Variants in PTBP2 observed in about 807,000 individuals in gnomAD.
PTBP2 encodes the protein polypyrimidine tract binding protein 2.
In PTBP2, 13 loss-of-function variants were observed where a neutral mutation model predicts 61.4. The observed-to-expected ratio is 0.21, with a 90% CI of 0.14 to 0.34. PTBP2 has a LOEUF of 0.34. Among genes scored for constraint, PTBP2 ranks in the 10% least tolerant of loss-of-function variants. The pLI is 1.00. For synonymous variants in PTBP2, 215 were observed against 218.5 expected (o/e 0.98, Z 0.14); for missense variants, 405 against 642.6 (o/e 0.63, Z 4.00).
intron 11 of PTBP2, among the ~76,000 whole-genome samples, chr1:96,808,533 G>A (rs999466121): frequency 6.6e-6 from 1 of 152,106 alleles, no homozygotes; most frequent in Admixed American, 6.6e-5. Flanking sequence ...CTGTTTTTAA[G>A]TACAGTTACA....
intron 8 of PTBP2, among the ~76,000 whole-genome samples, chr1:96,798,193 A>T (rs557992279): frequency 1.3e-5 from 2 of 151,892 alleles, no homozygotes; most frequent in African/African-American, 4.8e-5. Context: ...ATCACTTGAG[A>T]TCATGAGTTC....
intron 2 of PTBP2, among the ~76,000 whole-genome samples, chr1:96,726,030 G>A (rs1650410508): frequency 8.3e-6 from 1 of 120,480 alleles, no homozygotes. Flanking sequence ...AGCGGAGATT[G>A]CACCACTGCA....
intron 2 of PTBP2, among the ~76,000 whole-genome samples, chr1:96,745,830 G>T (rs1041467470): frequency 1.3e-5 from 2 of 152,154 alleles, no homozygotes; most frequent in South Asian, 2.1e-4. Flanking sequence ...ACTTTGGGAG[G>T]CCAGGGCGGG....
rs370537450 is a variant in PTBP2 at position 96,759,487 on chromosome 1, C to A, written c.115+7987C>A. Among the ~76,000 whole-genome samples, 17 of 152,100 alleles carry A rather than the reference C, an allele frequency of 1.1e-4. No individual in the cohort carries two copies. The East Asian group carries it at 3.3e-3, about 29-fold the overall frequency. On this transcript the variant is annotated intron_variant, in intron 3 of 13. Coordinates refer to ENST00000674951, the MANE Select transcript of PTBP2 (RefSeq NM_021190.4). ...AGGCCTTTCAACAGATGTGCTAGAA[C>A]AGCTGAATATACATACAAAAAAGCA...
downstream of PTBP2, chr1:96,816,178 T>C (rs1662473386): frequency 6.6e-6 from 1 of 152,196 alleles, no homozygotes; most frequent in Non-Finnish European, 1.5e-5. Context: ...CAGCAGATTC[T>C]ATACTGTCTT....
intron 5 of PTBP2, chr1:96,771,092 TATCAG>T (rs1657325712): frequency 9.3e-6 from 3 of 323,356 alleles, no homozygotes; most frequent in South Asian, 9.7e-5. Context: ...TGTAGAAACT[TATCAG>T]GTAGGATTTA....
intron 2 of PTBP2, among the ~76,000 whole-genome samples, chr1:96,725,460 C>T (rs898019536): frequency 1.5e-4 from 23 of 151,888 alleles, no homozygotes; most frequent in East Asian, 1.2e-3. Flanking sequence ...CCACCACGCC[C>T]GGCTAATTTT....
chr1:96,750,639 T>C (rs1158391084), intron 2 of PTBP2, among the ~76,000 whole-genome samples: 1 of 152,074 alleles, frequency 6.6e-6, no homozygotes, highest in Non-Finnish European at 1.5e-5. Flanking sequence ...GCATTTAACT[T>C]CTTTGTACTG....
intron 8 of PTBP2, among the ~76,000 whole-genome samples, chr1:96,803,128 A>C (rs1261255220): frequency 6.6e-6 from 1 of 152,214 alleles, no homozygotes; most frequent in Non-Finnish European, 1.5e-5. Context: ...ATATAGTAGA[A>C]TATTTGGTTG....
chr1:96,798,802 T>TG (rs148387124), intron 8 of PTBP2, among the ~76,000 whole-genome samples: 6 of 152,330 alleles, frequency 3.9e-5, no homozygotes, highest in African/African-American at 1.4e-4. Context: ...ATGCTAATAA[T>TG]GGGGGAACTG....
At chr1:96,804,710 C>G in intron 8 of PTBP2, 90 bp from the exon 9 acceptor site, 1 of 1,304,406 alleles carries the variant, frequency 7.7e-7, no homozygotes, top group Non-Finnish European at 1.1e-6. Flanking sequence ...GTAAGCCATG[C>G]AGCCATCGTG....
At chr1:96,770,056 A>G (rs374950935) in intron 4 of PTBP2, among the ~76,000 whole-genome samples, 181 bp downstream of exon 4, 4 of 152,036 alleles carry the variant, frequency 2.6e-5, no homozygotes, top group African/African-American at 4.8e-5. Flanking sequence ...GTGAATCACT[A>G]TAGTTTTTAA....
intron 8 of PTBP2, among the ~76,000 whole-genome samples, chr1:96,797,946 G>C (rs757891670): frequency 2.6e-4 from 40 of 152,014 alleles, no homozygotes; most frequent in Non-Finnish European, 4.6e-4. Flanking sequence ...TGTGGTGGTG[G>C]GTGCCTGTAG....
At chr1:96,723,157 C>A (rs1649864579) in intron 1 of PTBP2, among the ~76,000 whole-genome samples, 1 of 152,014 alleles carries the variant, frequency 6.6e-6, no homozygotes. Context: ...GTTCAGTATT[C>A]CCCCCAGATC....
Position 96,804,837 on chromosome 1 carries a change from TGCTGCTGCAGCA to T in PTBP2, c.954_965del (p.Ala321_Ala324del), listed in dbSNP as rs752209370. On this transcript the variant is annotated inframe_deletion, in exon 9 of 14. Coordinates refer to ENST00000674951, the MANE Select transcript of PTBP2 (RefSeq NM_021190.4). ...CTCTGAGTCCTTTGGCCATTCCAAA[TGCTGCTGCAGCA>T]GCTGCTGCAGCTGCTGCTGGCCGAG... 29 of 1,611,898 alleles carry T rather than the reference TGCTGCTGCAGCA, an allele frequency of 1.8e-5. No homozygotes were observed. In the African/African-American group the frequency reaches 2.0e-4, roughly 11 times the overall value.
chr1:96,795,651 G>A (rs1003245650), intron 8 of PTBP2, among the ~76,000 whole-genome samples: 3 of 152,172 alleles, frequency 2.0e-5, no homozygotes, highest in African/African-American at 2.4e-5. Context: ...CAGTAGTTAC[G>A]TACTGTTATT....
chr1:96,822,355 T>TA (rs1467491061), exon 14 of PTBP2: 1 of 152,212 alleles, frequency 6.6e-6, no homozygotes, highest in Non-Finnish European at 1.5e-5. Flanking sequence ...GAATCAAGAT[T>TA]ACGGCACCCT....
intron 11 of PTBP2, among the ~76,000 whole-genome samples, chr1:96,812,499 T>C (rs960145382): frequency 1.3e-5 from 2 of 152,202 alleles, no homozygotes; most frequent in Non-Finnish European, 2.9e-5. Flanking sequence ...AATCTGGATT[T>C]TCATTCTATG....
intron 2 of PTBP2, among the ~76,000 whole-genome samples, chr1:96,729,737 T>G (rs1651128911): frequency 6.8e-6 from 1 of 146,966 alleles, no homozygotes; most frequent in Non-Finnish European, 1.5e-5. Context: ...CTACTATTTT[T>G]TTTTTTTTTT....
Sources: gnomAD v4.1 joint callset for allele counts (sites outside exome capture counted in the v4.1 genomes callset) on GRCh38, gnomAD v4.1.1 for gene constraint, MANE v1.5 for transcripts, NCBI Gene and HGNC (gene_info 2026-07-23, HGNC 2026-07-21) for gene names.